RANBP9: variants seen among roughly 807,000 people sequenced by gnomAD.
The protein encoded by RANBP9 is RAN binding protein 9, also known as ran-binding protein 9.
A neutral mutation model predicts 84.3 loss-of-function variants in RANBP9; 15 were observed. The ratio of observed to expected loss-of-function variants is 0.18; its 90% CI spans 0.12 to 0.27. The LOEUF is 0.27. RANBP9 is among the 10% of genes least tolerant of loss of function. RANBP9 has a pLI of 1.00. For synonymous variants in RANBP9, 392 were observed against 349.6 expected (o/e 1.12, Z -1.35); for missense variants, 809 against 912.8 (o/e 0.89, Z 1.46).
chr6:13,628,479 C>G lies in RANBP9; in HGVS notation c.1948-2715G>C, dbSNP rs567578200. 2.6e-5 allele frequency among the ~76,000 whole-genome samples: 4 copies of G among 152,282 alleles called. No homozygotes were observed. The East Asian group carries it at 5.8e-4, about 22-fold the overall frequency. ...CCCCAAAAAACATACTAAAAAGCTT[C>G]AAGTTTTTCCAATAAGGAAATAAGG... On this transcript the variant is annotated intron_variant, in intron 12 of 13. Transcript: ENST00000011619.
chr6:13,626,272 C>G (rs1415874819), intron 12 of RANBP9, among the ~76,000 whole-genome samples: 2 of 152,188 alleles, frequency 1.3e-5, no homozygotes, highest in Non-Finnish European at 2.9e-5. Context: ...TTCAGTATTT[C>G]CAACTATCTC....
At chr6:13,698,231 T>G (rs1257918731) in intron 1 of RANBP9, among the ~76,000 whole-genome samples, 1 of 152,174 alleles carries the variant, frequency 6.6e-6, no homozygotes. Context: ...GAAGTTCTTT[T>G]AGCCTGGTGA....
intron 2 of RANBP9, among the ~76,000 whole-genome samples, chr6:13,663,758 C>G (rs552837938): frequency 6.6e-6 from 1 of 152,148 alleles, no homozygotes; most frequent in South Asian, 2.1e-4. Context: ...GTTTAACATT[C>G]AAAACCAATC....
chr6:13,655,774 G>A (rs767712378), intron 4 of RANBP9, among the ~76,000 whole-genome samples: 5 of 152,058 alleles, frequency 3.3e-5, no homozygotes, highest in Non-Finnish European at 4.4e-5. Context: ...AGATTTCTCC[G>A]GATTCAAAAC....
chr6:13,642,093 A>T (rs551648731), intron 7 of RANBP9, among the ~76,000 whole-genome samples: 23 of 152,352 alleles, frequency 1.5e-4, no homozygotes, highest in Non-Finnish European at 2.9e-4. Context: ...TCAATACTGT[A>T]TTAGCCATTT....
intron 1 of RANBP9, among the ~76,000 whole-genome samples, chr6:13,709,471 G>A (rs904466708): frequency 3.3e-5 from 5 of 152,146 alleles, no homozygotes; most frequent in African/African-American, 1.2e-4. Context: ...ATAGCTTTCT[G>A]GCAGCCAGAT....
chr6:13,627,731 A>G (rs544034561), intron 12 of RANBP9, among the ~76,000 whole-genome samples: 3 of 152,242 alleles, frequency 2.0e-5, no homozygotes, highest in Non-Finnish European at 2.9e-5. Flanking sequence ...TACCATACCC[A>G]TAGTACAGAT....
intron 2 of RANBP9, among the ~76,000 whole-genome samples, chr6:13,679,457 AACT>A (rs958292532): frequency 9.9e-5 from 15 of 152,196 alleles, no homozygotes; most frequent in African/African-American, 3.6e-4. Context: ...ATCTGTAGTT[AACT>A]ACTACAACAA....
At chr6:13,646,630 T>C (rs1765180973) in intron 5 of RANBP9, among the ~76,000 whole-genome samples, 1 of 152,162 alleles carries the variant, frequency 6.6e-6, no homozygotes, top group South Asian at 2.1e-4. Flanking sequence ...GAAAAAATAA[T>C]TCTATCAACA....
intron 2 of RANBP9, among the ~76,000 whole-genome samples, chr6:13,666,749 G>A (rs1208646828): frequency 6.6e-6 from 1 of 151,746 alleles, no homozygotes; most frequent in East Asian, 1.9e-4. Context: ...GGTGACAGAG[G>A]CCTTGTCTCA....
chr6:13,701,167 T>C (rs1253964161), intron 1 of RANBP9, among the ~76,000 whole-genome samples: 1 of 152,162 alleles, frequency 6.6e-6, no homozygotes, highest in African/African-American at 2.4e-5. Context: ...TATCCTTGAT[T>C]TCCCTCATAT....
intron 3 of RANBP9, 141 bp from the exon 4 acceptor site, chr6:13,657,417 A>T (rs1765425410): frequency 1.8e-6 from 1 of 564,438 alleles, no homozygotes; most frequent in African/African-American, 1.9e-5. Context: ...ATTCTCAACA[A>T]TTACACTACA....
At chr6:13,677,771 A>G (rs911593737) in intron 2 of RANBP9, among the ~76,000 whole-genome samples, 1 of 152,176 alleles carries the variant, frequency 6.6e-6, no homozygotes, top group Non-Finnish European at 1.5e-5. Flanking sequence ...AGTGATATAT[A>G]CCAACTGGTG....
rs116013663 is a variant in RANBP9 at position 13,623,752 on chromosome 6, G to A, written c.2060-1260C>T. On this transcript the variant is annotated intron_variant, in intron 13 of 13. Transcript: ENST00000011619. ...AACATATACATGCCCATCTATAGCA[G>A]TTTAATAATTGTGTCATTAATTTTA... is the stretch of plus-strand genomic sequence containing the variant. 6.7e-3 allele frequency among the ~76,000 whole-genome samples: 1,026 copies of A among 152,226 alleles called. 7 individuals are homozygous for A. The highest frequency in any genetic ancestry group is 0.023 in the African/African-American group (950 of 41,542).
intron 5 of RANBP9, among the ~76,000 whole-genome samples, chr6:13,648,802 G>C (rs1765229298): frequency 6.6e-6 from 1 of 152,108 alleles, no homozygotes; most frequent in African/African-American, 2.4e-5. Context: ...TTTAAAATGA[G>C]AACAGCTACT....
rs112159299 is a variant in RANBP9, at chr6:13,709,838, T to A, written c.571+1097A>T. Among the ~76,000 whole-genome samples the A allele has an allele frequency of 4.1e-3, 626 of 152,360 alleles. 4 individuals are homozygous for A. Among genetic ancestry groups the A allele is most frequent in the Non-Finnish European group, 5.6e-3 (382 of 68,032 alleles). On this transcript the variant is annotated intron_variant, in intron 1 of 13. Coordinates refer to ENST00000011619, the MANE Select transcript of RANBP9 (RefSeq NM_005493.3). ...ATAAGTTAAGAATTTAACCACAAGG[T>A]TGTTTATCTCCTCTACATACATGTC...
intron 8 of RANBP9, among the ~76,000 whole-genome samples, chr6:13,640,072 C>T (rs575591664): frequency 3.2e-4 from 49 of 152,216 alleles, no homozygotes; most frequent in Middle Eastern, 3.4e-3. Context: ...ATAACATTTG[C>T]GCTTGGTAGC....
chr6:13,693,104 A>G (rs1766365834), intron 2 of RANBP9, among the ~76,000 whole-genome samples: 1 of 152,232 alleles, frequency 6.6e-6, no homozygotes, highest in African/African-American at 2.4e-5. Flanking sequence ...GCATATTCCT[A>G]CTTTAAGGAG....
intron 6 of RANBP9, among the ~76,000 whole-genome samples, chr6:13,643,342 A>G (rs1303458501): frequency 4.6e-5 from 7 of 152,206 alleles, no homozygotes; most frequent in Admixed American, 4.6e-4. Flanking sequence ...ATGCAACAAT[A>G]TTAACCCAAA....
Sources: allele counts gnomAD v4.1 joint callset (sites outside exome capture counted in the v4.1 genomes callset), GRCh38; gene constraint gnomAD v4.1.1; transcripts MANE v1.5; gene names NCBI Gene and HGNC (gene_info 2026-07-23, HGNC 2026-07-21).